COL21A1: variants seen among roughly 807,000 people sequenced by gnomAD.
COL21A1 encodes collagen alpha-1(XXI) chain.
Under a neutral mutation model 137.9 loss-of-function variants are expected in COL21A1, and 149 were observed. That is an observed-to-expected ratio of 1.08 (90% CI 0.95 to 1.24). The LOEUF (loss-of-function observed/expected upper bound fraction) is 1.24. COL21A1 is among the 50% of genes most tolerant of loss of function. The probability of loss-of-function intolerance (pLI) is 0.00; values close to 1 mark genes in which losing one functional copy is unlikely to be tolerated. For synonymous variants in COL21A1, 456 were observed against 391.5 expected (o/e 1.16, Z -1.95); for missense variants, 1,167 against 1,158.4 (o/e 1.01, Z -0.11).
At chr6:56,200,696 T>C (rs1295603869) in intron 1 of COL21A1, among the ~76,000 whole-genome samples, 1 of 152,076 alleles carries the variant, frequency 6.6e-6, no homozygotes, top group Non-Finnish European at 1.5e-5. Flanking sequence ...CTTCATCCAG[T>C]ATATCATTGT....
intron 12 of COL21A1, among the ~76,000 whole-genome samples, chr6:56,127,538 T>G (rs570840983): frequency 6.6e-6 from 1 of 152,338 alleles, no homozygotes; most frequent in Admixed American, 6.5e-5. Context: ...ATCCAATGGC[T>G]TCCTGAGAAG....
chr6:56,388,812 CAGAGTAAT>C (rs1166907459), intron 1 of COL21A1, among the ~76,000 whole-genome samples: 3 of 152,186 alleles, frequency 2.0e-5, no homozygotes, highest in Non-Finnish European at 4.4e-5. Flanking sequence ...TGACCAATCT[CAGAGTAAT>C]AGACTATGTG....
chr6:56,210,824 A>G (rs1328709487), intron 1 of COL21A1, among the ~76,000 whole-genome samples: 3 of 152,158 alleles, frequency 2.0e-5, no homozygotes, highest in African/African-American at 7.2e-5. Flanking sequence ...AAATTATTCA[A>G]TAAATAAATG....
intron 24 of COL21A1, among the ~76,000 whole-genome samples, chr6:56,061,994 TTAA>T (rs1402142113): frequency 1.3e-5 from 2 of 152,124 alleles, no homozygotes; most frequent in African/African-American, 2.4e-5. Flanking sequence ...TAGTACTATT[TTAA>T]TAATAATAAA....
chr6:56,242,781 G>T (rs1023095249), intron 1 of COL21A1, among the ~76,000 whole-genome samples: 3 of 152,046 alleles, frequency 2.0e-5, no homozygotes, highest in Admixed American at 1.3e-4. Flanking sequence ...TATTTTCTTG[G>T]CATTGTAAAC....
chr6:56,168,994 C>T (rs1398512882), intron 5 of COL21A1, among the ~76,000 whole-genome samples: 1 of 151,958 alleles, frequency 6.6e-6, no homozygotes, highest in Non-Finnish European at 1.5e-5. Context: ...ACAAAATAAA[C>T]TTGAACTACC....
chr6:56,138,370 T>C (rs933012037), intron 12 of COL21A1, among the ~76,000 whole-genome samples: 8 of 151,144 alleles, frequency 5.3e-5, no homozygotes, highest in Non-Finnish European at 1.2e-4. Flanking sequence ...TACTTCTTAA[T>C]ATTACAATAA....
intron 1 of COL21A1, among the ~76,000 whole-genome samples, chr6:56,265,708 T>C (rs1763376289): frequency 6.6e-6 from 1 of 152,256 alleles, no homozygotes; most frequent in African/African-American, 2.4e-5. Context: ...TTTAGTTAGA[T>C]CTTTTTATTT....
chr6:56,348,929 G>A (rs1765649764), intron 1 of COL21A1, among the ~76,000 whole-genome samples: 1 of 152,158 alleles, frequency 6.6e-6, no homozygotes, highest in Non-Finnish European at 1.5e-5. Flanking sequence ...GCAGCAGATG[G>A]ACCAAGATGG....
intron 1 of COL21A1, among the ~76,000 whole-genome samples, chr6:56,290,504 T>A (rs1457028003): frequency 3.4e-5 from 5 of 147,474 alleles, no homozygotes; most frequent in Admixed American, 2.0e-4. Context: ...AGGAGATTTT[T>A]TTTTTTTTTT....
chr6:56,114,446 T>C (rs557221544), intron 16 of COL21A1, among the ~76,000 whole-genome samples: 2 of 152,280 alleles, frequency 1.3e-5, no homozygotes, highest in African/African-American at 4.8e-5. Context: ...CTTTCTCTTG[T>C]GGGCATTTAG....
intron 10 of COL21A1, among the ~76,000 whole-genome samples, chr6:56,148,098 G>A (rs1297017593): frequency 6.6e-6 from 1 of 152,094 alleles, no homozygotes; most frequent in African/African-American, 2.4e-5. Context: ...CAAGAGGCAG[G>A]ACTGTCATTT....
chr6:56,168,466 C>T (rs770778139), intron 5 of COL21A1, among the ~76,000 whole-genome samples, 169 bp from the exon 6 acceptor site: 6 of 152,168 alleles, frequency 3.9e-5, no homozygotes, highest in Non-Finnish European at 7.4e-5. Context: ...ATATGCTATC[C>T]ACCAATTCTT....
At chr6:56,178,353 A>G (rs1445164808) in intron 3 of COL21A1, among the ~76,000 whole-genome samples, 5 of 152,146 alleles carry the variant, frequency 3.3e-5, no homozygotes, top group Admixed American at 3.3e-4. Context: ...TATGGTGGTG[A>G]TTTGTACTTA....
At position 56,393,524 on chromosome 6, in the gene COL21A1, T is replaced by C. The variant is rs542123926; in HGVS notation, c.-39+447A>G. ...AGTCACATTTAAGCTCAAAATCTTCTGCACAGCAAAGGAAACAATCAACAA... is the reference window on the plus strand; with the variant it reads ...AGTCACATTTAAGCTCAAAATCTTCCGCACAGCAAAGGAAACAATCAACAA... On this transcript the variant is annotated intron_variant, in intron 1 of 28. Coordinates refer to the COL21A1 transcript ENST00000370819. Among the ~76,000 whole-genome samples, 5 of 152,296 alleles carry C rather than the reference T, an allele frequency of 3.3e-5. No homozygotes were observed. In the South Asian group the frequency reaches 1.0e-3, roughly 32 times the overall value.
chr6:56,318,252 T>C (rs1417062197), intron 1 of COL21A1, among the ~76,000 whole-genome samples: 1 of 152,146 alleles, frequency 6.6e-6, no homozygotes, highest in Non-Finnish European at 1.5e-5. Context: ...ACTCCCACTC[T>C]GGTGAAATCT....
intron 10 of COL21A1, among the ~76,000 whole-genome samples, chr6:56,156,139 C>T (rs1775726839): frequency 6.6e-6 from 1 of 152,118 alleles, no homozygotes; most frequent in African/African-American, 2.4e-5. Flanking sequence ...CACAGATGTG[C>T]AGAGAAAAGA....
intron 17 of COL21A1, among the ~76,000 whole-genome samples, chr6:56,080,740 AATAT>A (rs1197816520): frequency 1.3e-5 from 2 of 151,922 alleles, no homozygotes; most frequent in Non-Finnish European, 2.9e-5. Flanking sequence ...AGAGATATTT[AATAT>A]CCAGTTATCA....
In COL21A1 at chr6:56,343,835, C is replaced by T. The variant is rs966962230; in HGVS notation, c.-39+50136G>A. ...GCATGCACCTGTAGTCCCAGCTACT[C>T]GATGGTGGGGGAGCTGAGGTGGGAG... On this transcript the variant is annotated intron_variant, in intron 1 of 28. Coordinates refer to the COL21A1 transcript ENST00000370819. Among the ~76,000 whole-genome samples the T allele has an allele frequency of 5.3e-5, 8 of 152,004 alleles. No homozygotes were observed. The East Asian group carries it at 1.4e-3, about 26-fold the overall frequency.
Sources: gnomAD v4.1 joint callset for allele counts (sites outside exome capture counted in the v4.1 genomes callset) on GRCh38, gnomAD v4.1.1 for gene constraint, MANE v1.5 for transcripts, NCBI Gene and HGNC (gene_info 2026-07-23, HGNC 2026-07-21) for gene names.